The following PCBP3 variants were observed in gnomAD, a reference collection of about 807,000 sequenced individuals.
PCBP3 encodes poly(rC) binding protein 3.
PCBP3 carries 25 observed loss-of-function variants against 52.7 expected under a neutral mutation model. The observed-to-expected ratio is 0.47, with a 90% confidence interval of 0.35 to 0.66. The LOEUF is 0.66. Ranked by LOEUF, PCBP3 falls within the 30% of genes least tolerant of loss-of-function variation. The probability of loss-of-function intolerance (pLI) is 0.01; values close to 1 mark genes in which losing one functional copy is unlikely to be tolerated. For missense variants in PCBP3, 391 were observed against 490.3 expected (o/e 0.80, Z 1.91); for synonymous variants, 162 against 183.0 (o/e 0.89, Z 0.93).
At chr21:45,842,763 G>T (rs1346784917) in intron 4 of PCBP3, among the ~76,000 whole-genome samples, 1 of 152,172 alleles carries the variant, frequency 6.6e-6, no homozygotes, top group Non-Finnish European at 1.5e-5. Context: ...GGATCCTGGG[G>T]ACACCACCGG....
At chr21:45,797,840 G>A (rs2092053324) in intron 4 of PCBP3, among the ~76,000 whole-genome samples, 1 of 150,998 alleles carries the variant, frequency 6.6e-6, no homozygotes, top group Non-Finnish European at 1.5e-5. Context: ...CATAGAGAGT[G>A]AATGCATGGA....
chr21:45,881,562 G>T (rs2095406536), intron 5 of PCBP3, among the ~76,000 whole-genome samples: 1 of 152,148 alleles, frequency 6.6e-6, no homozygotes, highest in Non-Finnish European at 1.5e-5. Flanking sequence ...AGGCAACATA[G>T]AGAGACCCCA....
At chr21:45,651,171 T>TG (rs1336937115) in intron 1 of PCBP3, among the ~76,000 whole-genome samples, 9 of 152,122 alleles carry the variant, frequency 5.9e-5, no homozygotes, top group Non-Finnish European at 1.2e-4. Context: ...TGGTTTAAGG[T>TG]GTTAAATTTG....
intron 2 of PCBP3, among the ~76,000 whole-genome samples, chr21:45,707,020 C>A (rs1275929012): frequency 6.6e-6 from 1 of 152,110 alleles, no homozygotes; most frequent in Non-Finnish European, 1.5e-5. Context: ...ATTTCTAGGC[C>A]CCTAAGGTCA....
intron 9 of PCBP3, 189 bp downstream of exon 9, chr21:45,901,302 A>G (rs2096030498): frequency 5.3e-6 from 3 of 570,590 alleles, no homozygotes; most frequent in Non-Finnish European, 9.5e-6. Context: ...GTCAGGGGCC[A>G]GTGTCTCTCC....
intron 4 of PCBP3, among the ~76,000 whole-genome samples, chr21:45,815,092 G>C (rs1233838990): frequency 1.2e-4 from 2 of 17,344 alleles, no homozygotes; most frequent in Admixed American, 5.2e-4. Flanking sequence ...AGTGGTGAGT[G>C]ATGAGTGAGT....
chr21:45,775,718 C>T (rs532590614), intron 4 of PCBP3, among the ~76,000 whole-genome samples: 4 of 152,178 alleles, frequency 2.6e-5, no homozygotes, highest in African/African-American at 9.7e-5. Context: ...CTGTGCCCAG[C>T]CTTCTTCTTT....
intron 4 of PCBP3, among the ~76,000 whole-genome samples, chr21:45,832,013 AG>A (rs1158444527): frequency 6.6e-6 from 1 of 152,192 alleles, no homozygotes; most frequent in East Asian, 1.9e-4. Context: ...AGCCAGCCAA[AG>A]CAAGTAGATT....
chr21:45,650,028 A>T (rs547175376), intron 1 of PCBP3, among the ~76,000 whole-genome samples: 1 of 152,266 alleles, frequency 6.6e-6, no homozygotes, highest in African/African-American at 2.4e-5. Context: ...GTGATGTACT[A>T]CATTAAAAAA....
At chr21:45,860,435 A>G (rs955699338) in intron 5 of PCBP3, among the ~76,000 whole-genome samples, 1 of 152,172 alleles carries the variant, frequency 6.6e-6, no homozygotes, top group African/African-American at 2.4e-5. Flanking sequence ...ATTTTACACC[A>G]TGTTGCTGTC....
Position 45,698,068 on chromosome 21 carries a change from G to T in PCBP3, c.-200+29116G>T, listed in dbSNP as rs550150209. ...GGGCTTCACAATTTAGTCCCTGGGA[G>T]ATGTGAAAAACAACTTTTTTCTATT... On this transcript the variant is annotated intron_variant, in intron 2 of 17. Transcript: ENST00000681687. Among the ~76,000 whole-genome samples, 103 of 152,296 alleles carry T rather than the reference G, an allele frequency of 6.8e-4. 1 individual carries two copies. The highest frequency in any genetic ancestry group is 2.2e-3 in the African/African-American group (93 of 41,550).
intron 4 of PCBP3, chr21:45,760,151 T>C (rs952007783): frequency 1.3e-5 from 2 of 152,208 alleles, no homozygotes; most frequent in Admixed American, 6.5e-5. Flanking sequence ...TTGATACCTA[T>C]AGGACTTTAT....
intron 4 of PCBP3, among the ~76,000 whole-genome samples, chr21:45,801,360 C>T (rs1381688778): frequency 6.6e-6 from 1 of 152,256 alleles, no homozygotes; most frequent in African/African-American, 2.4e-5. Context: ...CAGCCAGTGT[C>T]TGGGCTGGCC....
intron 4 of PCBP3, among the ~76,000 whole-genome samples, chr21:45,826,724 C>T (rs1365182553): frequency 1.3e-5 from 2 of 152,106 alleles, no homozygotes; most frequent in South Asian, 2.1e-4. Context: ...AGATGGGGCA[C>T]TGGACAAGTC....
intron 2 of PCBP3, among the ~76,000 whole-genome samples, chr21:45,733,552 A>T (rs548836069): frequency 6.6e-6 from 1 of 151,670 alleles, no homozygotes; most frequent in South Asian, 2.1e-4. Flanking sequence ...CGGCCTCCCA[A>T]AGTGCTGGGA....
At chr21:45,719,325 A>G (rs527813506) in intron 2 of PCBP3, among the ~76,000 whole-genome samples, 21 of 152,252 alleles carry the variant, frequency 1.4e-4, no homozygotes, top group Admixed American at 1.2e-3. Flanking sequence ...AGGGGCCATC[A>G]CTGAGAGAGT....
intron 2 of PCBP3, among the ~76,000 whole-genome samples, chr21:45,674,096 A>G (rs373888521): frequency 6.6e-6 from 1 of 152,152 alleles, no homozygotes; most frequent in East Asian, 1.9e-4. Flanking sequence ...TTTCTCAGTA[A>G]TGTCTTTCAC....
intron 8 of PCBP3, among the ~76,000 whole-genome samples, 170 bp downstream of exon 8, chr21:45,900,793 G>A (rs993847598): frequency 6.6e-6 from 1 of 152,190 alleles, no homozygotes; most frequent in Non-Finnish European, 1.5e-5. Context: ...GCTCCCCTGT[G>A]GGGAAGGAAT....
chr21:45,703,085 A>G (rs1170880428), intron 2 of PCBP3, among the ~76,000 whole-genome samples: 3 of 152,082 alleles, frequency 2.0e-5, no homozygotes, highest in African/African-American at 7.2e-5. Context: ...TCCACTTCTA[A>G]TTCTAGTTCT....
Sources: allele counts gnomAD v4.1 joint callset (sites outside exome capture counted in the v4.1 genomes callset), GRCh38; gene constraint gnomAD v4.1.1; transcripts MANE v1.5; gene names NCBI Gene and HGNC (gene_info 2026-07-23, HGNC 2026-07-21).